Variants in CARMIL1 observed in about 807,000 individuals in gnomAD.
The protein encoded by CARMIL1 is F-actin-uncapping protein LRRC16A.
Under a neutral mutation model 177.1 loss-of-function variants are expected in CARMIL1, and 90 were observed. The observed-to-expected ratio is 0.51, with a 90% CI of 0.43 to 0.61. The LOEUF (loss-of-function observed/expected upper bound fraction) is 0.61, where lower values mean the gene tolerates loss of function less well. Among genes scored for constraint, CARMIL1 ranks in the 20% least tolerant of loss-of-function variants. The pLI, the probability that CARMIL1 is intolerant of heterozygous loss-of-function variation, is 0.00. For synonymous variants in CARMIL1, 577 were observed against 606.2 expected, an observed-to-expected ratio of 0.95 and a Z score of 0.71; for missense variants, 1,380 against 1,667.0, an observed-to-expected ratio of 0.83 and a Z score of 3.00.
chr6:25,441,353 G>GTGTGTGTGTGTGTGTGTGTA (rs1562140481), intron 5 of CARMIL1, among the ~76,000 whole-genome samples: 10 of 139,894 alleles, frequency 7.1e-5, no homozygotes, highest in African/African-American at 2.8e-4. Context: ...GTGTGTGTGT[G>GTGTGTGTGTGTGTGTGTGTA]TGTGTGTGTG....
At chr6:25,375,288 C>T (rs1432800958) in intron 2 of CARMIL1, among the ~76,000 whole-genome samples, 1 of 152,162 alleles carries the variant, frequency 6.6e-6, no homozygotes, top group East Asian at 1.9e-4. Context: ...GACAGTTATT[C>T]TGTTTGAAGA....
At chr6:25,280,198 A>G (rs755857836) in intron 1 of CARMIL1, among the ~76,000 whole-genome samples, 15 of 152,068 alleles carry the variant, frequency 9.9e-5, no homozygotes, top group Non-Finnish European at 1.8e-4. Flanking sequence ...GGAGCCCTTT[A>G]CAGCTCCCAG....
chr6:25,467,559 C>T (rs1800727910), intron 9 of CARMIL1, among the ~76,000 whole-genome samples: 1 of 152,170 alleles, frequency 6.6e-6, no homozygotes, highest in Non-Finnish European at 1.5e-5. Flanking sequence ...CAGGCAATTG[C>T]TGCTGCCATT....
At chr6:25,371,223 C>G (rs1790398145) in intron 2 of CARMIL1, among the ~76,000 whole-genome samples, 1 of 152,120 alleles carries the variant, frequency 6.6e-6, no homozygotes, top group Admixed American at 6.5e-5. Flanking sequence ...GTGATGTGTG[C>G]ACGTGTCTTT....
chr6:25,489,671 T>C (rs1237259977), intron 13 of CARMIL1, among the ~76,000 whole-genome samples: 1 of 152,234 alleles, frequency 6.6e-6, no homozygotes, highest in Non-Finnish European at 1.5e-5. Flanking sequence ...TTTATTCTTA[T>C]TTCTCTTGTT....
intron 24 of CARMIL1, among the ~76,000 whole-genome samples, chr6:25,529,153 T>C (rs1028690249): frequency 6.6e-6 from 1 of 152,230 alleles, no homozygotes; most frequent in Non-Finnish European, 1.5e-5. Context: ...GAACTTTTGA[T>C]TATAATAGAT....
At chr6:25,429,354 T>C (rs1581910623) in intron 4 of CARMIL1, among the ~76,000 whole-genome samples, 1 of 152,274 alleles carries the variant, frequency 6.6e-6, no homozygotes, top group South Asian at 2.1e-4. Context: ...TGCCTTTTGT[T>C]GTACCATGAA....
intron 2 of CARMIL1, among the ~76,000 whole-genome samples, chr6:25,414,272 A>G (rs1795179742): frequency 6.6e-6 from 1 of 152,202 alleles, no homozygotes; most frequent in Admixed American, 6.5e-5. Flanking sequence ...TCTGATTCCA[A>G]AATTCAAGCT....
intron 2 of CARMIL1, among the ~76,000 whole-genome samples, chr6:25,337,804 G>C (rs1301823278): frequency 2.0e-5 from 3 of 152,206 alleles, no homozygotes; most frequent in South Asian, 2.1e-4. Flanking sequence ...ACGTGATATA[G>C]TGAGGAGTTT....
chr6:25,471,317 C>A, intron 10 of CARMIL1, 60 bp downstream of exon 10: 4 of 1,156,830 alleles, frequency 3.5e-6, no homozygotes, highest in Non-Finnish European at 5.0e-6. Context: ...ATTTGCTCTT[C>A]TAATTAATTC....
At chr6:25,461,238 T>A (rs1800090087) in intron 8 of CARMIL1, among the ~76,000 whole-genome samples, 1 of 152,238 alleles carries the variant, frequency 6.6e-6, no homozygotes, top group Non-Finnish European at 1.5e-5. Context: ...ATTGCAGAAA[T>A]TAACTTTCTG....
intron 2 of CARMIL1, among the ~76,000 whole-genome samples, chr6:25,299,025 TACAGGTGTGAGCC>T (rs1782648801): frequency 6.6e-6 from 1 of 151,766 alleles, no homozygotes; most frequent in Admixed American, 6.6e-5. Context: ...GTGCTGGGAT[TACAGGTGTGAGCC>T]ACTGCGCTTG....
At chr6:25,446,710 A>G (rs181170045) in intron 5 of CARMIL1, among the ~76,000 whole-genome samples, 140 of 152,294 alleles carry the variant, frequency 9.2e-4, no homozygotes, top group African/African-American at 3.1e-3. Context: ...CAAAAGGCCT[A>G]ATTTTTAGCC....
At chr6:25,537,795 CT>C in intron 24 of CARMIL1, 59 bp from the exon 25 acceptor site, 1 of 1,593,784 alleles carries the variant, frequency 6.3e-7, no homozygotes, top group Admixed American at 1.7e-5. Context: ...TCTGTGTTTC[CT>C]TCTATCTGAA....
intron 29 of CARMIL1, among the ~76,000 whole-genome samples, chr6:25,576,123 C>A (rs1197743577): frequency 2.0e-5 from 3 of 151,936 alleles, no homozygotes; most frequent in Non-Finnish European, 4.4e-5. Flanking sequence ...TTTTTAAATT[C>A]ATCATTATTA....
At chr6:25,317,682 T>C (rs927891495) in intron 2 of CARMIL1, among the ~76,000 whole-genome samples, 1 of 150,758 alleles carries the variant, frequency 6.6e-6, no homozygotes, top group Non-Finnish European at 1.5e-5. Context: ...TACCTCATTC[T>C]CCTGACTAGG....
intron 2 of CARMIL1, among the ~76,000 whole-genome samples, chr6:25,379,949 C>T (rs909524108): frequency 1.4e-4 from 21 of 150,760 alleles, no homozygotes; most frequent in African/African-American, 4.6e-4. Flanking sequence ...TTCTTTTGAA[C>T]TTCTTTATGC....
intron 29 of CARMIL1, among the ~76,000 whole-genome samples, chr6:25,564,109 G>T (rs2151199715): frequency 6.6e-6 from 1 of 152,272 alleles, no homozygotes; most frequent in African/African-American, 2.4e-5. Context: ...AAATTGGGGT[G>T]TGACATAATA....
At position 25,547,051 on chromosome 6, in the gene CARMIL1, C is replaced by T. The variant is rs547115099; in HGVS notation, c.2329-3859C>T. Among the ~76,000 whole-genome samples, 17 of 152,100 alleles carry T rather than the reference C, an allele frequency of 1.1e-4. No homozygotes were observed. In the South Asian group the frequency reaches 3.5e-3, roughly 32 times the overall value. ...CCAGCCTGGGTAACAGAGCGAGACT[C>T]CATCTCAGAATATTAATAATAATAA... is the stretch of plus-strand genomic sequence containing the variant. On this transcript the variant is annotated intron_variant, in intron 26 of 36. Transcript: ENST00000329474.
Sources: gnomAD v4.1 joint callset for allele counts (sites outside exome capture counted in the v4.1 genomes callset) on GRCh38, gnomAD v4.1.1 for gene constraint, MANE v1.5 for transcripts, NCBI Gene and HGNC (gene_info 2026-07-23, HGNC 2026-07-21) for gene names.